The following CPS1 variants were observed in gnomAD, a reference collection of about 807,000 sequenced individuals.
The protein encoded by CPS1 is carbamoyl-phosphate synthase [ammonia], mitochondrial.
A neutral mutation model predicts 174.6 loss-of-function variants in CPS1; 109 were observed. The observed-to-expected ratio is 0.62, with a 90% CI of 0.53 to 0.73. The LOEUF is 0.73. Ranked by LOEUF, CPS1 falls within the 30% of genes least tolerant of loss-of-function variation. The probability of loss-of-function intolerance (pLI) is 0.00; values close to 1 mark genes in which losing one functional copy is unlikely to be tolerated. For missense variants in CPS1, 1,689 were observed against 1,821.9 expected, an observed-to-expected ratio of 0.93 and a Z score of 1.33; for synonymous variants, 637 against 632.0, an observed-to-expected ratio of 1.01 and a Z score of -0.12.
intron 33 of CPS1, among the ~76,000 whole-genome samples, chr2:210,665,062 G>T (rs570408142): frequency 6.6e-6 from 1 of 152,052 alleles, no homozygotes; most frequent in African/African-American, 2.4e-5. Context: ...TTAAAACCTC[G>T]TCTGTGTTGT....
chr2:210,502,513 A>G (rs901648066), intron 1 of CPS1, among the ~76,000 whole-genome samples: 2 of 148,300 alleles, frequency 1.3e-5, no homozygotes, highest in African/African-American at 4.9e-5. Context: ...TATATTTTTT[A>G]TATATATATA....
Position 210,593,455 on chromosome 2 carries a change from C to T in CPS1, c.1164+499C>T, listed in dbSNP as rs1055271863. 63 of 994,312 alleles carry T rather than the reference C, an allele frequency of 6.3e-5. No homozygotes were observed. In the Admixed American group the frequency reaches 9.4e-4, roughly 15 times the overall value. 61.6% of individuals were successfully genotyped at this position (994,312 alleles called of 1,614,324 possible). On this transcript the variant is annotated intron_variant, in intron 11 of 37. Coordinates refer to ENST00000233072, the MANE Select transcript of CPS1 (RefSeq NM_001875.5). ...CATACATAGATGATTCAGACGGCTTCAGAAAAGAACCACAAGGAATGCTTA... is the reference window on the plus strand; with the variant it reads ...CATACATAGATGATTCAGACGGCTTTAGAAAAGAACCACAAGGAATGCTTA...
chr2:210,535,142 T>C (rs556769042), intron 1 of CPS1, among the ~76,000 whole-genome samples: 2 of 152,282 alleles, frequency 1.3e-5, no homozygotes, highest in East Asian at 3.9e-4. Context: ...GTGCAGAAAA[T>C]AGACTCTGAA....
At chr2:210,579,690 G>A (rs1574547807) in intron 4 of CPS1, 24 bp from the exon 5 acceptor site, 1 of 1,596,916 alleles carries the variant, frequency 6.3e-7, no homozygotes. Context: ...CAATTTCACT[G>A]TCACTACAAT....
At chr2:210,507,927 T>A (rs986990617) in intron 1 of CPS1, among the ~76,000 whole-genome samples, 23 of 144,098 alleles carry the variant, frequency 1.6e-4, no homozygotes, top group African/African-American at 5.7e-4. Flanking sequence ...ACAATAATAA[T>A]GGGAGACTTT....
At chr2:210,502,988 C>T (rs1463324123) in intron 1 of CPS1, among the ~76,000 whole-genome samples, 1 of 152,134 alleles carries the variant, frequency 6.6e-6, no homozygotes, top group Non-Finnish European at 1.5e-5. Flanking sequence ...GCAGAAGACC[C>T]AGGCACTGAC....
At chr2:210,676,853 A>G (rs1257990269) in intron 36 of CPS1, among the ~76,000 whole-genome samples, 154 bp from the exon 37 acceptor site, 1 of 152,242 alleles carries the variant, frequency 6.6e-6, no homozygotes, top group Non-Finnish European at 1.5e-5. Context: ...TATAAGTGTA[A>G]TTTAAACATC....
intron 17 of CPS1, among the ~76,000 whole-genome samples, chr2:210,605,809 G>T (rs1037370428): frequency 1.3e-5 from 2 of 151,868 alleles, no homozygotes; most frequent in Non-Finnish European, 1.5e-5. Context: ...GGCATAAAAG[G>T]GGAAATTGAA....
intron 30 of CPS1, among the ~76,000 whole-genome samples, 172 bp downstream of exon 30, chr2:210,656,804 A>G (rs1474068076): frequency 2.0e-5 from 3 of 151,934 alleles, no homozygotes; most frequent in Admixed American, 6.6e-5. Flanking sequence ...TAAAGATAAC[A>G]ATTTTCTTCA....
intron 12 of CPS1, 45 bp from the exon 13 acceptor site, chr2:210,595,442 C>A: frequency 7.4e-7 from 1 of 1,347,568 alleles, no homozygotes; most frequent in Non-Finnish European, 1.1e-6. Flanking sequence ...CCTTATTTCC[C>A]CCATTTTAGC....
In CPS1 at chr2:210,590,805, G is replaced by A; in HGVS notation, c.846G>A (p.Leu282=). Residue 282 remains leucine, a synonymous_variant, in exon 9 of 38, where the codon TTG becomes TTA. Transcript: ENST00000233072. ...EPLIQNVRKI[L]ESDRKEPLFG... is the part of the protein sequence containing the mutation. Reference sequence around the variant, plus strand: ...AAAAATTCTCCCTGATTTAGATTTTGGAGAGTGATCGCAAGGAGCCATTGT... The same window carrying A: ...AAAAATTCTCCCTGATTTAGATTTTAGAGAGTGATCGCAAGGAGCCATTGT... 2 of 1,609,878 alleles carry A rather than the reference G, an allele frequency of 1.2e-6. No individual in the cohort carries two copies. Among genetic ancestry groups the A allele is most frequent in the Non-Finnish European group, 1.7e-6 (2 of 1,177,198 alleles).
intron 20 of CPS1, among the ~76,000 whole-genome samples, chr2:210,615,047 G>A (rs779304444): frequency 6.6e-6 from 1 of 151,532 alleles, no homozygotes; most frequent in South Asian, 2.1e-4. Context: ...ATATATAAAA[G>A]AAAGAAATCA....
chr2:210,560,951 A>G (rs1697078602), intron 1 of CPS1, among the ~76,000 whole-genome samples: 1 of 152,134 alleles, frequency 6.6e-6, no homozygotes, highest in Non-Finnish European at 1.5e-5. Context: ...TGAAATATTA[A>G]TTGTGTTCAG....
At chr2:210,517,396 G>A (rs1031808840) in intron 1 of CPS1, among the ~76,000 whole-genome samples, 8 of 151,984 alleles carry the variant, frequency 5.3e-5, no homozygotes, top group African/African-American at 9.7e-5. Flanking sequence ...TCTATTTGTC[G>A]ATGATAAGAC....
At chr2:210,612,387 T>TA in intron 20 of CPS1, 94 bp downstream of exon 20, 4 of 1,475,484 alleles carry the variant, frequency 2.7e-6, no homozygotes, top group Admixed American at 1.7e-5. Flanking sequence ...AAAGTGGTTT[T>TA]AAATCAGGGA....
intron 6 of CPS1, among the ~76,000 whole-genome samples, chr2:210,583,651 G>A (rs767168594): frequency 2.6e-5 from 4 of 152,222 alleles, no homozygotes; most frequent in African/African-American, 9.6e-5. Flanking sequence ...GAAGAGTTAC[G>A]CACAGTTTGG....
chr2:210,628,282 T>TG (rs766142107), intron 21 of CPS1, among the ~76,000 whole-genome samples: 53 of 152,280 alleles, frequency 3.5e-4, no homozygotes, highest in Non-Finnish European at 5.7e-4. Flanking sequence ...TGTCTTCTTA[T>TG]GAAAAACCCC....
intron 29 of CPS1, 102 bp from the exon 30 acceptor site, chr2:210,656,423 C>G: frequency 1.3e-6 from 1 of 781,616 alleles, no homozygotes; most frequent in East Asian, 2.5e-5. Flanking sequence ...ACTTAGTGCT[C>G]AGTGCATCTG....
rs116204013 is a variant in CPS1, at chr2:210,545,256, A to G, written c.4-11463A>G. On this transcript the variant is annotated intron_variant, in intron 1 of 38. Transcript: ENST00000430249. ...GTTTGCTTTGATTTTGATGTGGCTC[A>G]TCTTTTCTTAGCTGCTCATATTCAA... is the stretch of plus-strand genomic sequence containing the variant. 7.2e-3 allele frequency among the ~76,000 whole-genome samples: 1,094 copies of G among 152,180 alleles called. 8 individuals carry two copies. Among genetic ancestry groups the G allele is most frequent in the African/African-American group, 0.025 (1,033 of 41,552 alleles).
Sources: allele counts gnomAD v4.1 joint callset (sites outside exome capture counted in the v4.1 genomes callset), GRCh38; gene constraint gnomAD v4.1.1; transcripts MANE v1.5; gene names NCBI Gene and HGNC (gene_info 2026-07-23, HGNC 2026-07-21).